Variants in CCSER1 observed in about 807,000 individuals in gnomAD.
CCSER1 encodes serine-rich coiled-coil domain-containing protein 1.
In CCSER1, 41 loss-of-function variants were observed where a neutral mutation model predicts 82.0. That is an observed-to-expected ratio of 0.50 (90% CI 0.39 to 0.65). The LOEUF (loss-of-function observed/expected upper bound fraction) is 0.65, where lower values mean the gene tolerates loss of function less well. Among genes scored for constraint, CCSER1 ranks in the 30% least tolerant of loss-of-function variants. The pLI is 0.00. For missense variants in CCSER1, 1,119 were observed against 1,064.2 expected (o/e 1.05, Z -0.72); for synonymous variants, 414 against 383.9 (o/e 1.08, Z -0.92).
chr4:91,097,417 A>G (rs1355345022), intron 10 of CCSER1, among the ~76,000 whole-genome samples: 1 of 152,206 alleles, frequency 6.6e-6, no homozygotes, highest in Non-Finnish European at 1.5e-5. Flanking sequence ...GATCACTTTT[A>G]TATAATTTGC....
rs535045472 is a variant in CCSER1 at position 90,494,828 on chromosome 4, G to T, written c.1724+26474G>T. 1.4e-4 allele frequency among the ~76,000 whole-genome samples: 21 copies of T among 151,774 alleles called. 1 individual carries two copies. In the South Asian group the frequency reaches 4.4e-3, roughly 32 times the overall value. On this transcript the variant is annotated intron_variant, in intron 5 of 10. Transcript: ENST00000509176. ...CATATACACTTTTACAACAGTTCAC[G>T]CCATAGACAGGAAATGGATATCCTG...
At chr4:90,653,727 T>C (rs887608147) in intron 6 of CCSER1, among the ~76,000 whole-genome samples, 3 of 152,160 alleles carry the variant, frequency 2.0e-5, no homozygotes, top group African/African-American at 7.2e-5. Context: ...TGATATGCTT[T>C]TATATTTATT....
chr4:90,284,654 T>C (rs1729536973), intron 1 of CCSER1, among the ~76,000 whole-genome samples: 1 of 151,300 alleles, frequency 6.6e-6, no homozygotes, highest in African/African-American at 2.4e-5. Flanking sequence ...CCACCATGCC[T>C]GCCTAATTTT....
chr4:90,152,590 A>T (rs1262101475), intron 1 of CCSER1, among the ~76,000 whole-genome samples: 1 of 152,180 alleles, frequency 6.6e-6, no homozygotes, highest in African/African-American at 2.4e-5. Flanking sequence ...GAGGAAGGTT[A>T]TTCAAGCACA....
intron 6 of CCSER1, among the ~76,000 whole-genome samples, chr4:90,709,651 A>G (rs572840408): frequency 1.4e-4 from 21 of 152,278 alleles, no homozygotes; most frequent in Admixed American, 1.2e-3. Context: ...ATTATGGTGT[A>G]TATGTATCAC....
intron 5 of CCSER1, among the ~76,000 whole-genome samples, chr4:90,506,741 G>A (rs1428292472): frequency 5.4e-5 from 8 of 149,486 alleles, no homozygotes; most frequent in Non-Finnish European, 8.9e-5. Context: ...CTCCAACCTG[G>A]ATGACAGAGT....
intron 10 of CCSER1, among the ~76,000 whole-genome samples, chr4:91,533,041 A>G (rs1761114675): frequency 6.6e-6 from 1 of 152,142 alleles, no homozygotes; most frequent in Non-Finnish European, 1.5e-5. Context: ...TCTACCTATT[A>G]CATGCTGTAC....
intron 5 of CCSER1, among the ~76,000 whole-genome samples, chr4:90,552,244 G>A (rs762711338): frequency 6.6e-6 from 1 of 152,152 alleles, no homozygotes; most frequent in Non-Finnish European, 1.5e-5. Context: ...TTTAAGCATA[G>A]TGGAGGTACA....
intron 3 of CCSER1, among the ~76,000 whole-genome samples, chr4:90,380,603 T>C (rs1360661036): frequency 6.6e-6 from 1 of 152,220 alleles, no homozygotes; most frequent in Non-Finnish European, 1.5e-5. Flanking sequence ...TTTATTCCCT[T>C]ATTCTTCTTT....
intron 10 of CCSER1, among the ~76,000 whole-genome samples, chr4:91,554,860 G>A (rs1282297264): frequency 2.0e-5 from 3 of 151,134 alleles, no homozygotes; most frequent in Middle Eastern, 3.2e-3. Context: ...AAACAAAATA[G>A]AGGGCTCAGG....
At chr4:91,544,094 T>G (rs1022812868) in intron 10 of CCSER1, among the ~76,000 whole-genome samples, 1 of 152,160 alleles carries the variant, frequency 6.6e-6, no homozygotes, top group Non-Finnish European at 1.5e-5. Context: ...TTGATTGAAT[T>G]GACTACTGAA....
At chr4:90,724,831 T>G (rs1743340802) in intron 7 of CCSER1, among the ~76,000 whole-genome samples, 1 of 151,840 alleles carries the variant, frequency 6.6e-6, no homozygotes, top group Non-Finnish European at 1.5e-5. Context: ...TTTTTATTTT[T>G]CATATAAGGA....
rs1050153159 is a variant in CCSER1 at position 90,287,103 on chromosome 4, G to A, written c.-41-21141G>A. Among the ~76,000 whole-genome samples the A allele has an allele frequency of 4.6e-5, 7 of 151,674 alleles. No individual in the cohort carries two copies. The South Asian group carries it at 1.5e-3, about 32-fold the overall frequency. ...ACTGCTTTACTTTTTTCCAAGAAGCGATTTACACATAGGACTTTGCTACTG... is the reference window on the plus strand; with the variant it reads ...ACTGCTTTACTTTTTTCCAAGAAGCAATTTACACATAGGACTTTGCTACTG... On this transcript the variant is annotated intron_variant, in intron 1 of 10. Transcript: ENST00000509176.
At chr4:91,128,643 G>A (rs540841578) in intron 10 of CCSER1, among the ~76,000 whole-genome samples, 1 of 152,036 alleles carries the variant, frequency 6.6e-6, no homozygotes, top group Non-Finnish European at 1.5e-5. Flanking sequence ...CAAAGAGCTC[G>A]GAGTGAGGAA....
chr4:90,151,278 C>T (rs1726786848), intron 1 of CCSER1, among the ~76,000 whole-genome samples: 1 of 151,880 alleles, frequency 6.6e-6, no homozygotes, highest in Non-Finnish European at 1.5e-5. Flanking sequence ...TATATTCTTG[C>T]TACTATATTT....
chr4:90,466,812 C>T (rs926574786), intron 4 of CCSER1, among the ~76,000 whole-genome samples: 2 of 152,122 alleles, frequency 1.3e-5, no homozygotes, highest in Non-Finnish European at 2.9e-5. Flanking sequence ...ACTACTAAAG[C>T]AGAACATAAA....
intron 10 of CCSER1, among the ~76,000 whole-genome samples, chr4:91,438,722 T>TGA: frequency 6.6e-6 from 1 of 151,942 alleles, no homozygotes; most frequent in East Asian, 1.9e-4. Context: ...GACAAAGAAG[T>TGA]AAAACTTTCA....
intron 10 of CCSER1, among the ~76,000 whole-genome samples, chr4:91,177,438 C>G (rs1581714396): frequency 6.6e-6 from 1 of 152,292 alleles, no homozygotes; most frequent in East Asian, 1.9e-4. Flanking sequence ...GGCTGTGAAT[C>G]CATCTGGTCC....
chr4:91,492,696 T>C (rs2110073496), intron 10 of CCSER1, among the ~76,000 whole-genome samples: 1 of 152,184 alleles, frequency 6.6e-6, no homozygotes, highest in Non-Finnish European at 1.5e-5. Flanking sequence ...CAGAGAATCC[T>C]CGGGGGCAAT....
Sources: allele counts gnomAD v4.1 joint callset (sites outside exome capture counted in the v4.1 genomes callset), GRCh38; gene constraint gnomAD v4.1.1; transcripts MANE v1.5; gene names NCBI Gene and HGNC (gene_info 2026-07-23, HGNC 2026-07-21).